Variants in DST observed in about 807,000 individuals in gnomAD.
DST encodes the protein bullous pemphigoid antigen.
DST carries 253 observed loss-of-function variants against 875.2 expected under a neutral mutation model. The observed-to-expected ratio is 0.29, with a 90% CI of 0.26 to 0.32. The LOEUF (loss-of-function observed/expected upper bound fraction) is 0.32. DST is among the 10% of genes least tolerant of loss of function. The pLI is 1.00. For missense variants in DST, 8,287 were observed against 9,111.6 expected, an observed-to-expected ratio of 0.91 and a Z score of 3.68; for synonymous variants, 3,124 against 3,197.1, an observed-to-expected ratio of 0.98 and a Z score of 0.77.
At chr6:56,613,925 C>A (rs2152725196) in intron 37 of DST, among the ~76,000 whole-genome samples, 1 of 152,256 alleles carries the variant, frequency 6.6e-6, no homozygotes, top group South Asian at 2.1e-4. Flanking sequence ...ATGTTAATAT[C>A]CTGGTTTGTA....
intron 4 of DST, among the ~76,000 whole-genome samples, chr6:56,767,567 G>A (rs2099636878): frequency 6.6e-6 from 1 of 151,850 alleles, no homozygotes; most frequent in Non-Finnish European, 1.5e-5. Context: ...CAGTGAGCTG[G>A]TATCGCACGA....
chr6:56,539,429 T>C (rs2097081829), intron 61 of DST, among the ~76,000 whole-genome samples: 1 of 152,194 alleles, frequency 6.6e-6, no homozygotes, highest in South Asian at 2.1e-4. Flanking sequence ...AGAACAATTA[T>C]TTCACAGACT....
Position 56,640,166 on chromosome 6 carries a change from A to T in DST, c.2467T>A (p.Leu823Met). ...EINMKFVQDL[L>M]NWVDEMQVQL... ...ACCTGCATCTCATCAACCCAATTCA[A>T]AAGATCCTGAACAAATTTCATATTG... is the stretch of plus-strand genomic sequence containing the variant. The change falls in exon 18 of 104, where the codon TTG (leucine) becomes ATG (methionine). Residue 823 changes from leucine to methionine, a missense_variant. Transcript: ENST00000680361. 1 of 1,614,156 alleles carries T rather than the reference A, an allele frequency of 6.2e-7. No individual in the cohort carries two copies. Among genetic ancestry groups the T allele is most frequent in the Admixed American group, 1.7e-5 (1 of 60,012 alleles).
chr6:56,492,401 C>T lies in DST; in HGVS notation c.20583G>A (p.Glu6861=), dbSNP rs1303046875. ...CAGTTTTGTCCAGCTCTATTATCTG[C>T]TCACGATGAGAATTTACTTCATTGG... The part of the protein sequence containing the change: ...VFANEVNSHR[E]QIIELDKTGT... The change falls in exon 85 of 104, where the codon GAG becomes GAA. Residue 6861 remains glutamate (E), a synonymous_variant. Transcript: ENST00000680361. 2 of 1,613,518 alleles carry T rather than the reference C, an allele frequency of 1.2e-6. No individual in the cohort carries two copies. The highest frequency in any genetic ancestry group is 2.2e-5 in the East Asian group (1 of 44,860).
At chr6:56,489,458 A>G in intron 86 of DST, 32 bp downstream of exon 86, 7 of 1,593,224 alleles carry the variant, frequency 4.4e-6, no homozygotes, top group Non-Finnish European at 5.1e-6. Flanking sequence ...CTATATAATG[A>G]GACAATATGC....
intron 36 of DST, 25 bp downstream of exon 36, chr6:56,624,505 C>T (rs2098716561): frequency 1.4e-6 from 2 of 1,476,558 alleles, no homozygotes. Flanking sequence ...TTTATATTTA[C>T]AGGGTGCTCA....
chr6:56,567,260 T>C (rs926109989), intron 55 of DST, among the ~76,000 whole-genome samples: 6 of 152,068 alleles, frequency 3.9e-5, no homozygotes, highest in African/African-American at 7.2e-5. Context: ...CACAAAGACA[T>C]TTCTCAGATC....
intron 9 of DST, among the ~76,000 whole-genome samples, chr6:56,679,005 C>A (rs994186303): frequency 5.3e-5 from 8 of 152,166 alleles, no homozygotes; most frequent in African/African-American, 1.9e-4. Flanking sequence ...CTGGGCTCTC[C>A]CATGTATGTA....
chr6:56,608,121 T>C lies in DST; in HGVS notation c.6507A>G (p.Gln2169=), dbSNP rs16888056. ...ARRWLSFCKF[Q]PSTVHDYRQE... is the part of the protein sequence containing the mutation. ...GTCTGTAATCATGAACTGTGGAGGG[T>C]TGAAATTTACAAAAAGAGAGCCATC... is the stretch of plus-strand genomic sequence containing the variant. The change falls in exon 40 of 104, where the codon CAA becomes CAG. Residue 2169 remains glutamine, a synonymous_variant. Coordinates refer to ENST00000680361, the MANE Select transcript of DST (RefSeq NM_001374736.1). 4,287 of 1,613,684 alleles carry C rather than the reference T, an allele frequency of 2.7e-3. 87 individuals are homozygous for C. The African/African-American group carries it at 0.044, about 16-fold the overall frequency.
chr6:56,624,662 C>T (rs2098718054), intron 35 of DST, 34 bp from the exon 36 acceptor site: 1 of 1,351,256 alleles, frequency 7.4e-7, no homozygotes, highest in South Asian at 1.2e-5. Flanking sequence ...AAAAGCATTA[C>T]CTCCAGTTAC....
intron 9 of DST, among the ~76,000 whole-genome samples, chr6:56,689,048 C>T (rs2099208332): frequency 6.6e-6 from 1 of 152,118 alleles, no homozygotes; most frequent in Admixed American, 6.6e-5. Flanking sequence ...CAAAGCTGTA[C>T]CACTCATTGT....
chr6:56,563,407 A>G (rs1290963762), intron 55 of DST, among the ~76,000 whole-genome samples: 3 of 151,994 alleles, frequency 2.0e-5, no homozygotes, highest in African/African-American at 7.3e-5. Context: ...GTCTGTTCAT[A>G]TCCTTCGCCC....
At chr6:56,493,979 C>A (rs115951263) in intron 83 of DST, 31 bp downstream of exon 83, 13 of 1,464,706 alleles carry the variant, frequency 8.9e-6, no homozygotes, top group Non-Finnish European at 1.1e-5. Context: ...AACTAAAACA[C>A]TGATTCTATT....
chr6:56,713,909 G>A (rs571842519), intron 5 of DST, among the ~76,000 whole-genome samples: 19 of 152,196 alleles, frequency 1.2e-4, no homozygotes, highest in African/African-American at 4.3e-4. Context: ...ATTTCCTTGG[G>A]TCCTTGAAAA....
chr6:56,692,168 A>G (rs2099234839), intron 9 of DST, among the ~76,000 whole-genome samples: 1 of 152,230 alleles, frequency 6.6e-6, no homozygotes, highest in South Asian at 2.1e-4. Context: ...ATGAAAATGT[A>G]CAGGATTTTT....
chr6:56,590,708 T>C (rs1264833271), intron 49 of DST, among the ~76,000 whole-genome samples: 2 of 152,054 alleles, frequency 1.3e-5, no homozygotes, highest in African/African-American at 4.8e-5. Context: ...CTGGCCCACA[T>C]CATCTCCCTA....
intron 9 of DST, among the ~76,000 whole-genome samples, chr6:56,687,957 T>C (rs2099199807): frequency 6.6e-6 from 1 of 152,178 alleles, no homozygotes. Flanking sequence ...TCTAAATTGA[T>C]AACTACTTTG....
At chr6:56,565,415 G>A (rs752122000) in intron 55 of DST, among the ~76,000 whole-genome samples, 11 of 152,044 alleles carry the variant, frequency 7.2e-5, no homozygotes, top group East Asian at 1.9e-4. Flanking sequence ...CACCACGCCC[G>A]GCTAAGAGTC....
intron 59 of DST, 23 bp from the exon 60 acceptor site, chr6:56,555,863 A>G: frequency 1.4e-6 from 2 of 1,458,908 alleles, no homozygotes; most frequent in Non-Finnish European, 1.8e-6. Flanking sequence ...GGGTAAACAA[A>G]CGCAAATTAT....
Sources: gnomAD v4.1 joint callset for allele counts (sites outside exome capture counted in the v4.1 genomes callset) on GRCh38, gnomAD v4.1.1 for gene constraint, MANE v1.5 for transcripts, NCBI Gene and HGNC (gene_info 2026-07-23, HGNC 2026-07-21) for gene names.